The following PTK2B variants were observed in gnomAD, a reference collection of about 807,000 sequenced individuals.
PTK2B encodes the protein protein tyrosine kinase 2 beta.
Under a neutral mutation model 142.9 loss-of-function variants are expected in PTK2B, and 71 were observed. That is an observed-to-expected ratio of 0.50 (90% CI 0.41 to 0.61). PTK2B has a LOEUF of 0.61. Among genes scored for constraint, PTK2B ranks in the 20% least tolerant of loss-of-function variants. PTK2B has a pLI of 0.00. For synonymous variants in PTK2B, 519 were observed against 503.4 expected (o/e 1.03, Z -0.42); for missense variants, 1,105 against 1,320.4 (o/e 0.84, Z 2.53).
exon 1 of PTK2B, chr8:27,311,544 AGGCG>A: frequency 2.3e-6 from 1 of 437,556 alleles, no homozygotes; most frequent in South Asian, 4.2e-5. Flanking sequence ...AGGGTCTCCC[AGGCG>A]GCGTAGTAGG....
intron 1 of PTK2B, among the ~76,000 whole-genome samples, chr8:27,369,631 C>T (rs769370292): frequency 2.0e-5 from 3 of 152,064 alleles, no homozygotes; most frequent in Non-Finnish European, 4.4e-5. Flanking sequence ...GATCGTGCCA[C>T]TGTACTTCAG....
Position 27,313,426 on chromosome 8 carries a change from T to C in PTK2B, c.-414+139T>C, listed in dbSNP as rs183054613. On this transcript the variant is annotated intron_variant, in intron 3 of 35. Coordinates refer to the PTK2B transcript ENST00000397501. ...GCAAGTTTCAGAGCAAGAGTGGAAG[T>C]TTATTAAAAAGTTTGGGACAGAAAA... 459 of 152,248 alleles carry C rather than the reference T, an allele frequency of 3.0e-3. 10 individuals are homozygous for C. The highest frequency in any genetic ancestry group is 0.027 in the Admixed American group (415 of 15,284). 9.4% of individuals were successfully genotyped at this position (152,248 alleles called of 1,614,324 possible).
At chr8:27,385,394 T>A (rs1357012436) in intron 1 of PTK2B, among the ~76,000 whole-genome samples, 1 of 152,124 alleles carries the variant, frequency 6.6e-6, no homozygotes, top group Non-Finnish European at 1.5e-5. Context: ...CTGTTCAGAG[T>A]TGGCGATAAC....
chr8:27,323,983 A>G (rs1803290721), upstream of PTK2B, among the ~76,000 whole-genome samples: 1 of 152,108 alleles, frequency 6.6e-6, no homozygotes, highest in Non-Finnish European at 1.5e-5. Context: ...TTTAGTTCCC[A>G]CTGCCACCTC....
At chr8:27,419,156 C>T (rs548937339) in intron 2 of PTK2B, among the ~76,000 whole-genome samples, 1 of 152,356 alleles carries the variant, frequency 6.6e-6, no homozygotes, top group South Asian at 2.1e-4. Flanking sequence ...GCTGTGGCAT[C>T]AGGCTGGGAG....
intron 1 of PTK2B, among the ~76,000 whole-genome samples, chr8:27,367,219 G>A (rs1392347646): frequency 2.0e-5 from 3 of 152,206 alleles, no homozygotes; most frequent in African/African-American, 7.2e-5. Context: ...TGGAAATAAT[G>A]TCAAGGGCTC....
Position 27,435,813 on chromosome 8 carries a change from A to G in PTK2B, c.1243+20A>G, listed in dbSNP as rs1344402512. On this transcript the variant is annotated intron_variant, in intron 14 of 30. Transcript: ENST00000346049. ...CCGGAGGTAGGTTCTCGACCCCGCCACAGCGACCGTAGTCAAGGCCCTGTG... is the reference window on the plus strand; with the variant it reads ...CCGGAGGTAGGTTCTCGACCCCGCCGCAGCGACCGTAGTCAAGGCCCTGTG... 2 of 1,612,358 alleles carry G rather than the reference A, an allele frequency of 1.2e-6. No homozygotes were observed. Among genetic ancestry groups the G allele is most frequent in the African/African-American group, 1.3e-5 (1 of 75,028 alleles).
intron 1 of PTK2B, among the ~76,000 whole-genome samples, chr8:27,382,259 T>G (rs1489943632): frequency 6.6e-6 from 1 of 152,206 alleles, no homozygotes; most frequent in Non-Finnish European, 1.5e-5. Flanking sequence ...TATGTCTTCT[T>G]TTGAGAAATG....
rs1488712038 is a variant in PTK2B, at chr8:27,350,736, TG to T, written c.-38+25058del. Among the ~76,000 whole-genome samples, 20 of 151,822 alleles carry T rather than the reference TG, an allele frequency of 1.3e-4. No individual in the cohort carries two copies. In the East Asian group the frequency reaches 3.9e-3, roughly 29 times the overall value. On this transcript the variant is annotated intron_variant, in intron 1 of 30. Transcript: ENST00000346049. ...GCTGATGCCTGTAATCCCAGCACTT[TG>T]GGAGGCCGAGGCAGGTCATCACCTG...
chr8:27,361,001 G>C (rs1390047127), intron 1 of PTK2B, among the ~76,000 whole-genome samples: 3 of 152,166 alleles, frequency 2.0e-5, no homozygotes, highest in Non-Finnish European at 2.9e-5. Flanking sequence ...GTACAAGTGA[G>C]AGTGATTTTG....
chr8:27,430,373 G>A lies in PTK2B; in HGVS notation c.624G>A (p.Val208=). ...KSNFELLEKE[V]GLDLFFPKQM... ...TTCTTCCTTCTTGCAGAAAGGAAGT[G>A]GGGCTGGACTTGTTTTTCCCAAAGC... Residue 208 remains valine, a synonymous_variant, in exon 7 of 31, where the codon GTG becomes GTA. Transcript: ENST00000346049. 6.2e-7 allele frequency: 1 copy of A among 1,614,162 alleles called. No individual in the cohort carries two copies. The highest frequency in any genetic ancestry group is 1.1e-5 in the South Asian group (1 of 91,074).
intron 1 of PTK2B, among the ~76,000 whole-genome samples, chr8:27,376,308 G>A (rs2131013770): frequency 6.6e-6 from 1 of 152,356 alleles, no homozygotes; most frequent in South Asian, 2.1e-4. Context: ...GGAGACTTCT[G>A]GTGATCATCA....
upstream of PTK2B, chr8:27,322,926 C>T (rs930171361): frequency 6.6e-6 from 1 of 152,282 alleles, no homozygotes; most frequent in Non-Finnish European, 1.5e-5. Flanking sequence ...GCCCACCCCA[C>T]TTGACCTTTG....
chr8:27,440,205 C>G (rs377262650), intron 20 of PTK2B, 32 bp from the exon 21 acceptor site: 150 of 1,608,386 alleles, frequency 9.3e-5, no homozygotes, highest in East Asian at 6.7e-4. Flanking sequence ...TGGTCTCCCC[C>G]ACCCAGGGCC....
At chr8:27,415,024 G>A (rs1449310391) in intron 2 of PTK2B, among the ~76,000 whole-genome samples, 1 of 152,188 alleles carries the variant, frequency 6.6e-6, no homozygotes, top group Non-Finnish European at 1.5e-5. Flanking sequence ...ACCAGTCTGC[G>A]AAGGAGATTG....
intron 2 of PTK2B, among the ~76,000 whole-genome samples, chr8:27,414,818 CCT>C (rs1230362579): frequency 3.9e-5 from 6 of 152,126 alleles, no homozygotes; most frequent in South Asian, 2.1e-4. Flanking sequence ...GCTCACTCCC[CCT>C]GTTTGGTTCT....
chr8:27,323,817 CT>C (rs1428469495), upstream of PTK2B, among the ~76,000 whole-genome samples: 1 of 152,208 alleles, frequency 6.6e-6, no homozygotes, highest in South Asian at 2.1e-4. Context: ...TTGGGAGATT[CT>C]TTTTTTAAAG....
chr8:27,427,128 T>C (rs1332849532), intron 5 of PTK2B, among the ~76,000 whole-genome samples: 1 of 152,158 alleles, frequency 6.6e-6, no homozygotes, highest in Admixed American at 6.5e-5. Context: ...CTTTTCAGCG[T>C]AGTAAACTCT....
In PTK2B at chr8:27,386,130, C is replaced by T. The variant is rs1056079432; in HGVS notation, c.-37-11418C>T. On this transcript the variant is annotated intron_variant, in intron 1 of 30. Transcript: ENST00000346049. The stretch of plus-strand genomic sequence containing the variant: ...GTAAATTTCATTCTCTGTCACTTAA[C>T]ATTTTTATATAAATCTTTTCATGCA... 3.3e-5 allele frequency among the ~76,000 whole-genome samples: 5 copies of T among 152,254 alleles called. No homozygotes were observed. The South Asian group carries it at 8.3e-4, about 25-fold the overall frequency.
Sources: gnomAD v4.1 joint callset for allele counts (sites outside exome capture counted in the v4.1 genomes callset) on GRCh38, gnomAD v4.1.1 for gene constraint, MANE v1.5 for transcripts, NCBI Gene and HGNC (gene_info 2026-07-23, HGNC 2026-07-21) for gene names.